Variants in SRGAP3 observed in about 807,000 individuals in gnomAD.
SRGAP3 encodes SLIT-ROBO Rho GTPase activating protein 3, also known as SLIT-ROBO Rho GTPase-activating protein 3.
SRGAP3 carries 39 observed loss-of-function variants against 121.1 expected under a neutral mutation model. The observed-to-expected ratio is 0.32, with a 90% CI of 0.25 to 0.42. SRGAP3 has a LOEUF of 0.42. SRGAP3 is among the 10% of genes least tolerant of loss of function. The pLI, the probability that SRGAP3 is intolerant of heterozygous loss-of-function variation, is 1.00. For synonymous variants in SRGAP3, 601 were observed against 570.0 expected (o/e 1.05, Z -0.77); for missense variants, 1,213 against 1,470.6 (o/e 0.82, Z 2.86).
intron 14 of SRGAP3, among the ~76,000 whole-genome samples, chr3:9,017,552 A>G (rs1943700798): frequency 6.6e-6 from 1 of 152,198 alleles, no homozygotes; most frequent in Non-Finnish European, 1.5e-5. Flanking sequence ...GAAGACAGAA[A>G]GTAGATCAGT....
At chr3:9,118,927 C>T (rs768357282) in intron 2 of SRGAP3, among the ~76,000 whole-genome samples, 1 of 152,188 alleles carries the variant, frequency 6.6e-6, no homozygotes, top group Non-Finnish European at 1.5e-5. Flanking sequence ...ACAAACATGC[C>T]CCCTTTCCCT....
chr3:9,327,470 C>T (rs1181119732), intron 2 of SRGAP3, among the ~76,000 whole-genome samples: 1 of 152,210 alleles, frequency 6.6e-6, no homozygotes, highest in Non-Finnish European at 1.5e-5. Flanking sequence ...ATTTCATTCT[C>T]TTTACACACC....
intron 8 of SRGAP3, among the ~76,000 whole-genome samples, chr3:9,054,290 T>C (rs147965398): frequency 2.3e-3 from 344 of 152,304 alleles, no homozygotes; most frequent in African/African-American, 8.0e-3. Context: ...ACAGACTCTT[T>C]AAGTCTGATA....
chr3:9,053,053 G>C lies in SRGAP3; in HGVS notation c.1297C>G (p.Gln433Glu). ...INIAKRRANQ[Q>E]ETEMFYFTKF... ...GTAAAATAAAACATTTCTGTTTCCT[G>C]CTGGTTGGCTCTCCTCTTGGCAATG... Residue 433 changes from glutamine to glutamate, a missense_variant, in exon 9 of 22, where the codon CAG (glutamine) becomes GAG (glutamate). Transcript: ENST00000383836. The C allele has an allele frequency of 6.2e-7, 1 of 1,614,140 alleles. No individual in the cohort carries two copies. The highest frequency in any genetic ancestry group is 8.5e-7 in the Non-Finnish European group (1 of 1,180,036).
chr3:9,063,124 CTTTTTTTTTTTTTTTT>C (rs766958753), intron 5 of SRGAP3, among the ~76,000 whole-genome samples: 2 of 79,982 alleles, frequency 2.5e-5, no homozygotes, highest in Non-Finnish European at 4.8e-5. Context: ...TAGAGACAAT[CTTTTTTTTTTTTTTTT>C]TTTTTTTTTT....
At chr3:9,000,133 T>G (rs1468785200) in intron 18 of SRGAP3, among the ~76,000 whole-genome samples, 1 of 152,230 alleles carries the variant, frequency 6.6e-6, no homozygotes, top group Non-Finnish European at 1.5e-5. Flanking sequence ...AGGGCTTTCT[T>G]CCTGGAAGGA....
At chr3:9,171,145 C>T (rs552276838) in intron 1 of SRGAP3, among the ~76,000 whole-genome samples, 1 of 152,298 alleles carries the variant, frequency 6.6e-6, no homozygotes, top group East Asian at 1.9e-4. Flanking sequence ...CCACAGAGCC[C>T]CATGAGAACC....
intron 4 of SRGAP3, among the ~76,000 whole-genome samples, chr3:9,066,974 A>G (rs1278866008): frequency 6.6e-6 from 1 of 152,210 alleles, no homozygotes; most frequent in Non-Finnish European, 1.5e-5. Flanking sequence ...ACCTTGGACA[A>G]GTCACACAAC....
intron 3 of SRGAP3, among the ~76,000 whole-genome samples, chr3:9,295,111 A>G (rs1316052981): frequency 6.6e-6 from 1 of 152,148 alleles, no homozygotes; most frequent in African/African-American, 2.4e-5. Flanking sequence ...CAGCTTATCA[A>G]AGTAAAAGAT....
chr3:9,279,504 C>A (rs987589025), intron 3 of SRGAP3, among the ~76,000 whole-genome samples: 4 of 149,584 alleles, frequency 2.7e-5, no homozygotes, highest in Non-Finnish European at 5.9e-5. Flanking sequence ...AAAACGAATA[C>A]CCTGATTTTT....
intron 11 of SRGAP3, 142 bp downstream of exon 11, chr3:9,037,921 C>G (rs897612280): frequency 9.0e-7 from 1 of 1,109,094 alleles, no homozygotes. Flanking sequence ...TGTGCCTCAC[C>G]TGGGCACACC....
intron 1 of SRGAP3, among the ~76,000 whole-genome samples, chr3:9,158,485 G>C (rs866346634): frequency 6.6e-6 from 1 of 152,108 alleles, no homozygotes; most frequent in African/African-American, 2.4e-5. Context: ...TTTGCTGTTT[G>C]AACAATCATG....
At chr3:9,086,727 ATAT>A (rs1160270089) in intron 3 of SRGAP3, among the ~76,000 whole-genome samples, 1 of 77,552 alleles carries the variant, frequency 1.3e-5, no homozygotes, top group Non-Finnish European at 3.5e-5. Context: ...TATACATATA[ATAT>A]GTATTTTATA....
At chr3:9,293,414 T>C (rs1050722946) in intron 3 of SRGAP3, 3 of 152,238 alleles carry the variant, frequency 2.0e-5, no homozygotes, top group African/African-American at 7.2e-5. Flanking sequence ...AAGATCTTAA[T>C]GACTCAGAAA....
intron 2 of SRGAP3, 138 bp from the exon 3 acceptor site, chr3:9,104,980 T>C: frequency 1.9e-6 from 2 of 1,065,424 alleles, no homozygotes; most frequent in Non-Finnish European, 2.8e-6. Context: ...CTTATACAGT[T>C]GGGGAAACAG....
At position 9,060,360 on chromosome 3, in the gene SRGAP3, C is replaced by G. The variant is rs1364579102; in HGVS notation, c.673-1G>C. On this transcript the variant is annotated splice_acceptor_variant, in intron 5 of 21. Transcript: ENST00000383836. LOFTEE classifies it high-confidence loss of function. The stretch of plus-strand genomic sequence containing the variant: ...TGTTCTCAGAGTACTTGGCCTGCCT[C>G]TGGAAGAAGAAAAGAGTAGATGTAA... 6.2e-7 allele frequency: 1 copy of G among 1,612,274 alleles called. No homozygotes were observed. The highest frequency in any genetic ancestry group is 1.7e-5 in the Admixed American group (1 of 59,928).
chr3:9,358,834 T>C (rs1020073774), intron 1 of SRGAP3, among the ~76,000 whole-genome samples: 4 of 152,116 alleles, frequency 2.6e-5, no homozygotes, highest in African/African-American at 9.7e-5. Flanking sequence ...AAGAGATGCA[T>C]AGGGCAAGGG....
chr3:9,033,113 G>A (rs546207542), intron 11 of SRGAP3, among the ~76,000 whole-genome samples: 2 of 152,148 alleles, frequency 1.3e-5, no homozygotes, highest in Non-Finnish European at 2.9e-5. Context: ...TCTGTAGCCC[G>A]AGAAAGCAAG....
intron 14 of SRGAP3, among the ~76,000 whole-genome samples, chr3:9,017,031 C>CA (rs968677077): frequency 1.1e-4 from 16 of 151,590 alleles, no homozygotes; most frequent in Non-Finnish European, 5.9e-5. Flanking sequence ...TTTTCTGGAC[C>CA]AAAAAAAATC....
Sources: gnomAD v4.1 joint callset for allele counts (sites outside exome capture counted in the v4.1 genomes callset) on GRCh38, gnomAD v4.1.1 for gene constraint, MANE v1.5 for transcripts, NCBI Gene and HGNC (gene_info 2026-07-23, HGNC 2026-07-21) for gene names.